The following ATP2B2 variants were observed in gnomAD, a reference collection of about 807,000 sequenced individuals.
ATP2B2 encodes plasma membrane calcium-transporting ATPase 2.
ATP2B2 carries 15 observed loss-of-function variants against 120.0 expected under a neutral mutation model. That is an observed-to-expected ratio of 0.12 (90% CI 0.08 to 0.19). ATP2B2 has a LOEUF of 0.19. Among genes scored for constraint, ATP2B2 ranks in the 10% least tolerant of loss-of-function variants. The probability of loss-of-function intolerance (pLI) is 1.00; values close to 1 mark genes in which losing one functional copy is unlikely to be tolerated. For synonymous variants in ATP2B2, 694 were observed against 700.3 expected (o/e 0.99, Z 0.14); for missense variants, 1,045 against 1,719.8 (o/e 0.61, Z 6.94).
At chr3:10,474,276 T>C (rs1353263302) in intron 1 of ATP2B2, among the ~76,000 whole-genome samples, 1 of 152,098 alleles carries the variant, frequency 6.6e-6, no homozygotes, top group Non-Finnish European at 1.5e-5. Flanking sequence ...TGATGAAGAA[T>C]CCTGTTTTGG....
intron 3 of ATP2B2, among the ~76,000 whole-genome samples, chr3:10,524,062 C>T (rs1379936975): frequency 6.6e-6 from 1 of 152,174 alleles, no homozygotes; most frequent in Admixed American, 6.5e-5. Flanking sequence ...ATTGCCCATC[C>T]AGAGTTGGCT....
intron 1 of ATP2B2, among the ~76,000 whole-genome samples, chr3:10,669,764 AC>A (rs942880238): frequency 3.3e-5 from 5 of 151,562 alleles, no homozygotes; most frequent in African/African-American, 4.9e-5. Context: ...CCAAATTGTC[AC>A]CCCCACCCCC....
Position 10,360,113 on chromosome 3 carries a change from T to C in ATP2B2, c.1670A>G (p.Lys557Arg). ...AYTTKILPPE[K>R]EGALPRQVGN... ...CACCTGCCGAGGCAGGGCGCCCTCC[T>C]TCTCTGGGGGCTGCAGAGAGAGGAA... is the stretch of plus-strand genomic sequence containing the variant. The change falls in exon 13 of 23, where the codon AAG becomes AGG. Residue 557 changes from lysine (K) to arginine (R), a missense_variant. This residue lies in a region of ATP2B2 where 343 missense variants were observed against 536.8 expected (regional missense o/e 0.64). Transcript: ENST00000360273. 6.3e-7 allele frequency: 1 copy of C among 1,596,708 alleles called. No individual in the cohort carries two copies.
chr3:10,500,712 C>A (rs2066348971), intron 1 of ATP2B2, among the ~76,000 whole-genome samples: 1 of 152,236 alleles, frequency 6.6e-6, no homozygotes, highest in Admixed American at 6.5e-5. Context: ...ACCCTGCTGG[C>A]TCCTGACTCT....
In ATP2B2 at chr3:10,333,260, C is replaced by A. The variant is rs570342186; in HGVS notation, c.3421-4135G>T. Among the ~76,000 whole-genome samples the A allele has an allele frequency of 2.2e-4, 33 of 152,240 alleles. No individual in the cohort carries two copies. The South Asian group carries it at 6.6e-3, about 31-fold the overall frequency. On this transcript the variant is annotated intron_variant, in intron 22 of 22. Transcript: ENST00000360273. ...GTTTTTGCCTCAGCAGGCACATGGG[C>A]AGCCTCCTCTGCTGGGGAGTCCCCA...
intron 2 of ATP2B2, among the ~76,000 whole-genome samples, chr3:10,546,850 C>T (rs904886132): frequency 2.6e-5 from 4 of 152,150 alleles, no homozygotes; most frequent in Non-Finnish European, 2.9e-5. Flanking sequence ...TGAGCCCAGG[C>T]GGTGGGTCTT....
At chr3:10,339,193 G>A (rs1229960126) in intron 21 of ATP2B2, among the ~76,000 whole-genome samples, 1 of 152,204 alleles carries the variant, frequency 6.6e-6, no homozygotes, top group Non-Finnish European at 1.5e-5. Flanking sequence ...AGAGCCTCCT[G>A]TAGGGGGTGG....
chr3:10,566,843 GATTGTCTA>G (rs1391112004), intron 2 of ATP2B2, among the ~76,000 whole-genome samples: 3 of 152,186 alleles, frequency 2.0e-5, no homozygotes, highest in Non-Finnish European at 2.9e-5. Flanking sequence ...CAATTTCCTT[GATTGTCTA>G]ATTCCTGGAA....
At chr3:10,528,024 G>A (rs978473420) in intron 3 of ATP2B2, among the ~76,000 whole-genome samples, 2 of 152,160 alleles carry the variant, frequency 1.3e-5, no homozygotes, top group Admixed American at 6.6e-5. Context: ...TCACAGTGCG[G>A]TAATCGGCAA....
At chr3:10,362,437 A>G (rs970709469) in intron 12 of ATP2B2, among the ~76,000 whole-genome samples, 1 of 152,188 alleles carries the variant, frequency 6.6e-6, no homozygotes, top group Non-Finnish European at 1.5e-5. Flanking sequence ...TGGTCCTGAG[A>G]CCTGGGGATG....
chr3:10,642,686 TAA>T (rs141395527), intron 1 of ATP2B2, among the ~76,000 whole-genome samples: 16 of 125,246 alleles, frequency 1.3e-4, no homozygotes, highest in Non-Finnish European at 2.0e-4. Context: ...GAGATTTAGC[TAA>T]AAAAAAAAAA....
chr3:10,529,190 A>T (rs2067160205), intron 3 of ATP2B2, among the ~76,000 whole-genome samples: 1 of 152,234 alleles, frequency 6.6e-6, no homozygotes, highest in Non-Finnish European at 1.5e-5. Context: ...ACCACCCAGG[A>T]AGGACATTAC....
intron 2 of ATP2B2, among the ~76,000 whole-genome samples, chr3:10,433,173 C>T (rs940305888): frequency 2.0e-5 from 3 of 152,248 alleles, no homozygotes; most frequent in East Asian, 1.9e-4. Context: ...TGGGCTGAGG[C>T]GAAGTGTGGG....
chr3:10,544,129 C>T (rs752424873), intron 2 of ATP2B2, among the ~76,000 whole-genome samples: 2 of 152,158 alleles, frequency 1.3e-5, no homozygotes, highest in Non-Finnish European at 2.9e-5. Context: ...AAACCTCAGT[C>T]AATCAAATAT....
rs567926930 is a variant in ATP2B2 at position 10,560,608 on chromosome 3, G to A, written c.-414-26475C>T. On this transcript the variant is annotated intron_variant, in intron 2 of 21. Coordinates refer to the ATP2B2 transcript ENST00000646379. ...GCCCCTTGCCCCATTACCAAATCCTGTAGATTCTATATCTAGCACCTTGCA... is the reference window on the plus strand; with the variant it reads ...GCCCCTTGCCCCATTACCAAATCCTATAGATTCTATATCTAGCACCTTGCA... Among the ~76,000 whole-genome samples the A allele has an allele frequency of 3.9e-5, 6 of 152,226 alleles. No homozygotes were observed. The East Asian group carries it at 1.2e-3, about 29-fold the overall frequency.
intron 1 of ATP2B2, among the ~76,000 whole-genome samples, chr3:10,638,644 A>C (rs1468909586): frequency 1.3e-5 from 2 of 152,232 alleles, no homozygotes; most frequent in African/African-American, 4.8e-5. Context: ...AGTAGTCTAA[A>C]CTTCCCAATT....
At chr3:10,700,496 C>T (rs2071801037) in intron 1 of ATP2B2, among the ~76,000 whole-genome samples, 1 of 152,150 alleles carries the variant, frequency 6.6e-6, no homozygotes, top group African/African-American at 2.4e-5. Context: ...CAGGGTGAAA[C>T]TGGAGAAGTC....
rs778129111 is a variant in ATP2B2, at chr3:10,360,026, G to A, written c.1757C>T (p.Pro586Leu). 5.0e-6 allele frequency: 8 copies of A among 1,614,168 alleles called. No homozygotes were observed. The highest frequency in any genetic ancestry group is 6.8e-6 in the Non-Finnish European group (8 of 1,179,982). Residue 586 changes from proline to leucine, a missense_variant, in exon 13 of 23, where the codon CCC (proline) becomes CTC (leucine). Coordinates refer to ENST00000360273, the MANE Select transcript of ATP2B2 (RefSeq NM_001001331.4). ...CTCCTCTGGCATCTGGCTGCGCACGGGCTCGTAGTCCTGCTTCAGGTCCAG... is the reference window on the plus strand; with the variant it reads ...CTCCTCTGGCATCTGGCTGCGCACGAGCTCGTAGTCCTGCTTCAGGTCCAG... ...FVLDLKQDYE[P>L]VRSQMPEEKL... is the part of the protein sequence containing the mutation.
At chr3:10,516,457 G>A (rs571832790) in intron 3 of ATP2B2, among the ~76,000 whole-genome samples, 50 of 152,250 alleles carry the variant, frequency 3.3e-4, no homozygotes, top group Non-Finnish European at 4.3e-4. Flanking sequence ...TCTTGTTGCT[G>A]ACCCCAAAGG....
Sources: gnomAD v4.1 joint callset for allele counts (sites outside exome capture counted in the v4.1 genomes callset) on GRCh38, gnomAD v4.1.1 for gene constraint, gnomAD v4.1.1 regional missense constraint, MANE v1.5 for transcripts, NCBI Gene and HGNC (gene_info 2026-07-23, HGNC 2026-07-21) for gene names.